The following KLHL3 variants were observed in gnomAD, a reference collection of about 807,000 sequenced individuals.
KLHL3 encodes kelch-like protein 3.
In KLHL3, 19 loss-of-function variants were observed where a neutral mutation model predicts 70.5. The observed-to-expected ratio is 0.27, with a 90% CI of 0.19 to 0.40. The LOEUF is 0.40. KLHL3 is among the 10% of genes least tolerant of loss of function. The pLI, the probability that KLHL3 is intolerant of heterozygous loss-of-function variation, is 1.00. For synonymous variants in KLHL3, 258 were observed against 290.3 expected (o/e 0.89, Z 1.13); for missense variants, 512 against 771.1 (o/e 0.66, Z 3.98).
chr5:137,686,785 TCTC>T (rs1263035674), intron 5 of KLHL3, among the ~76,000 whole-genome samples: 1 of 152,212 alleles, frequency 6.6e-6, no homozygotes, highest in Non-Finnish European at 1.5e-5. Context: ...ATTTTCTACT[TCTC>T]CTCTAAATAC....
Position 137,618,331 on chromosome 5 carries a change from C to CAATAAT in KLHL3, c.*3761_*3766dup, listed in dbSNP as rs989390348. 1 of 151,762 alleles carries CAATAAT rather than the reference C, an allele frequency of 6.6e-6. No individual in the cohort carries two copies. The highest frequency in any genetic ancestry group is 2.4e-5 in the African/African-American group (1 of 41,248). 9.4% of individuals were successfully genotyped at this position (151,762 alleles called of 1,614,324 possible). ...GCAATTTAAATGGCACCTGTCCCAA[C>CAATAAT]AATAATAATAATAATAATAAATTTT... is the stretch of plus-strand genomic sequence containing the variant. On this transcript the variant is annotated 3_prime_UTR_variant, in exon 15 of 15. Transcript: ENST00000309755.
chr5:137,640,733 AC>A (rs145625221), intron 8 of KLHL3, among the ~76,000 whole-genome samples: 3 of 151,190 alleles, frequency 2.0e-5, no homozygotes, highest in East Asian at 1.9e-4. Context: ...GAGGCCAGCC[AC>A]CCCCCCCAAC....
intron 1 of KLHL3, among the ~76,000 whole-genome samples, chr5:137,724,651 A>G (rs1253567784): frequency 1.3e-5 from 2 of 152,206 alleles, no homozygotes; most frequent in Non-Finnish European, 2.9e-5. Context: ...CTCTTGATGC[A>G]CAGGCAAGGC....
intron 13 of KLHL3, among the ~76,000 whole-genome samples, chr5:137,626,434 C>T (rs1043341684): frequency 1.3e-5 from 2 of 152,176 alleles, no homozygotes; most frequent in African/African-American, 2.4e-5. Flanking sequence ...AGAACAGCTC[C>T]TACTCTGATC....
intron 1 of KLHL3, among the ~76,000 whole-genome samples, chr5:137,733,785 C>A (rs1753217153): frequency 6.6e-6 from 1 of 152,138 alleles, no homozygotes; most frequent in Non-Finnish European, 1.5e-5. Flanking sequence ...TGAAAGAGAT[C>A]AACAGAATTC....
chr5:137,664,331 C>A (rs906243331), intron 6 of KLHL3, among the ~76,000 whole-genome samples: 2 of 148,448 alleles, frequency 1.3e-5, no homozygotes, highest in Non-Finnish European at 3.0e-5. Flanking sequence ...ATCTGGGAGA[C>A]GAAGTGAGAC....
chr5:137,683,290 A>G (rs936228065), intron 5 of KLHL3, among the ~76,000 whole-genome samples: 2 of 152,080 alleles, frequency 1.3e-5, no homozygotes, highest in African/African-American at 4.8e-5. Context: ...CATAAGCCCC[A>G]TAATTCCCAG....
intron 8 of KLHL3, among the ~76,000 whole-genome samples, chr5:137,642,840 A>G (rs1471520904): frequency 1.3e-5 from 2 of 152,016 alleles, no homozygotes; most frequent in African/African-American, 4.8e-5. Flanking sequence ...TATACTTGGC[A>G]TAAGCTATCC....
chr5:137,698,464 C>T, intron 3 of KLHL3, 56 bp from the exon 4 acceptor site: 1 of 1,602,634 alleles, frequency 6.2e-7, no homozygotes, highest in East Asian at 2.2e-5. Context: ...GATATGTTTA[C>T]CTTCCAGATG....
At chr5:137,707,530 A>G (rs1209533144) in intron 3 of KLHL3, 1 of 154,254 alleles carries the variant, frequency 6.5e-6, no homozygotes, top group East Asian at 1.9e-4. Context: ...ATCTAAAAAG[A>G]TATAAACCAT....
At chr5:137,631,089 A>AAAAAAAAAAAAG (rs1554090059) in intron 12 of KLHL3, among the ~76,000 whole-genome samples, 4 of 141,900 alleles carry the variant, frequency 2.8e-5, no homozygotes, top group African/African-American at 1.1e-4. Flanking sequence ...AAAAAAAAAA[A>AAAAAAAAAAAAG]AGAGAGAGAG....
rs1220137437 is a variant in KLHL3, at chr5:137,670,350, G to C, written c.636+7195C>G. On this transcript the variant is annotated intron_variant, in intron 6 of 14. Transcript: ENST00000309755. ...CAATCAAAAATTATAATTCATTTTG[G>C]AAATGAATTACCAAAAGACATATCA... 3.3e-5 allele frequency among the ~76,000 whole-genome samples: 5 copies of C among 151,860 alleles called. No individual in the cohort carries two copies. In the East Asian group the frequency reaches 7.7e-4, roughly 23 times the overall value.
chr5:137,691,272 C>CA (rs1263381945), intron 5 of KLHL3, among the ~76,000 whole-genome samples: 1 of 152,044 alleles, frequency 6.6e-6, no homozygotes, highest in Non-Finnish European at 1.5e-5. Flanking sequence ...TTTAAAAAAA[C>CA]ACTATAATTA....
At chr5:137,704,377 G>A (rs2149926163) in intron 3 of KLHL3, among the ~76,000 whole-genome samples, 1 of 151,530 alleles carries the variant, frequency 6.6e-6, no homozygotes, top group Admixed American at 6.6e-5. Context: ...GGGCGACAGA[G>A]CAAGACTCCG....
intron 6 of KLHL3, among the ~76,000 whole-genome samples, chr5:137,666,971 C>T (rs1415757014): frequency 2.0e-5 from 3 of 152,196 alleles, no homozygotes; most frequent in Non-Finnish European, 4.4e-5. Flanking sequence ...GCCAGCTCTG[C>T]TTGGTTACAT....
intron 5 of KLHL3, among the ~76,000 whole-genome samples, chr5:137,683,471 T>C (rs1401602030): frequency 6.6e-6 from 1 of 152,146 alleles, no homozygotes; most frequent in African/African-American, 2.4e-5. Context: ...CTGCCCCTTA[T>C]TACTCTATTT....
intron 4 of KLHL3, among the ~76,000 whole-genome samples, chr5:137,692,882 G>A (rs1337717005): frequency 6.7e-6 from 1 of 149,888 alleles, no homozygotes; most frequent in Non-Finnish European, 1.5e-5. Flanking sequence ...CTGCACACTG[G>A]TATTACCTTA....
At chr5:137,720,620 C>A in intron 1 of KLHL3, 36 bp from the exon 2 acceptor site, 1 of 1,611,770 alleles carries the variant, frequency 6.2e-7, no homozygotes, top group South Asian at 1.1e-5. Flanking sequence ...GAAAGAGAAT[C>A]ACTCATTGGT....
At chr5:137,713,789 G>A (rs893962966) in intron 2 of KLHL3, among the ~76,000 whole-genome samples, 3 of 152,198 alleles carry the variant, frequency 2.0e-5, no homozygotes, top group Non-Finnish European at 4.4e-5. Flanking sequence ...ACCTGATAAT[G>A]AGCTTGTATC....
Sources: allele counts gnomAD v4.1 joint callset (sites outside exome capture counted in the v4.1 genomes callset), GRCh38; gene constraint gnomAD v4.1.1; transcripts MANE v1.5; gene names NCBI Gene and HGNC (gene_info 2026-07-23, HGNC 2026-07-21).